The following DTNB variants were observed in gnomAD, a reference collection of about 807,000 sequenced individuals.
The protein encoded by DTNB is dystrobrevin beta, also known as DTN-B.
Under a neutral mutation model 90.7 loss-of-function variants are expected in DTNB, and 63 were observed. The observed-to-expected ratio is 0.69, with a 90% CI of 0.57 to 0.86. DTNB has a LOEUF of 0.86. DTNB is among the 40% of genes least tolerant of loss of function. The pLI, the probability that DTNB is intolerant of heterozygous loss-of-function variation, is 0.00. For synonymous variants in DTNB, 277 were observed against 286.7 expected, an observed-to-expected ratio of 0.97 and a Z score of 0.34; for missense variants, 744 against 807.1, an observed-to-expected ratio of 0.92 and a Z score of 0.95.
At chr2:25,394,044 A>G (rs2041812812) in intron 16 of DTNB, among the ~76,000 whole-genome samples, 1 of 152,262 alleles carries the variant, frequency 6.6e-6, no homozygotes. Context: ...GTATAAAAAT[A>G]GGCACATACA....
chr2:25,469,730 C>T (rs1298716027), intron 10 of DTNB, among the ~76,000 whole-genome samples: 1 of 152,182 alleles, frequency 6.6e-6, no homozygotes, highest in African/African-American at 2.4e-5. Context: ...GTGTGAGCCA[C>T]TGCGCCCAGT....
intron 8 of DTNB, among the ~76,000 whole-genome samples, chr2:25,554,025 A>G (rs1156851733): frequency 6.6e-6 from 1 of 152,182 alleles, no homozygotes; most frequent in Non-Finnish European, 1.5e-5. Flanking sequence ...GATAGCCAAT[A>G]TAAATTTATG....
intron 6 of DTNB, among the ~76,000 whole-genome samples, chr2:25,591,679 G>C (rs2063602752): frequency 1.3e-5 from 2 of 152,090 alleles, no homozygotes; most frequent in Non-Finnish European, 2.9e-5. Context: ...ACTATGTTCA[G>C]ACAATAATCA....
chr2:25,612,740 C>G lies in DTNB; in HGVS notation c.363-5419G>C, dbSNP rs373112107. 5.9e-5 allele frequency among the ~76,000 whole-genome samples: 9 copies of G among 151,472 alleles called. No individual in the cohort carries two copies. The East Asian group carries it at 1.2e-3, about 20-fold the overall frequency. On this transcript the variant is annotated intron_variant, in intron 4 of 20. Coordinates refer to ENST00000406818, the MANE Select transcript of DTNB (RefSeq NM_021907.5). ...CCAATATTAAGAGGGGATATCACCA[C>G]AGGTTCTACAGACATTGCAGAAATA... is the stretch of plus-strand genomic sequence containing the variant.
chr2:25,540,571 A>T (rs998898022), intron 8 of DTNB, among the ~76,000 whole-genome samples: 4 of 152,260 alleles, frequency 2.6e-5, no homozygotes, highest in Non-Finnish European at 5.9e-5. Context: ...CAGGGCCATG[A>T]TGACAATGGC....
At chr2:25,465,227 T>A (rs1486888216) in intron 10 of DTNB, among the ~76,000 whole-genome samples, 1 of 151,898 alleles carries the variant, frequency 6.6e-6, no homozygotes, top group Non-Finnish European at 1.5e-5. Flanking sequence ...ACACAAAAAA[T>A]TAGCCGGGCG....
chr2:25,388,327 G>A lies in DTNB; in HGVS notation c.1610C>T (p.Thr537Ile). Residue 537 changes from threonine to isoleucine, a missense_variant, in exon 17 of 21, where the codon ACC becomes ATC. Physicochemically the swap from Thr to Ile is moderately conservative, Grantham distance 89. Transcript: ENST00000406818. ...QATGSPHTSP[T>I]HGGGRPMPMP... Reference sequence around the variant, plus strand: ...GGGCATTGGCCGGCCGCCTCCATGGGTGGGCGATGTATGTGGTGACCCTGT... The same window carrying A: ...GGGCATTGGCCGGCCGCCTCCATGGATGGGCGATGTATGTGGTGACCCTGT... The A allele has an allele frequency of 1.9e-6, 3 of 1,612,996 alleles. No individual in the cohort carries two copies. Among genetic ancestry groups the A allele is most frequent in the South Asian group, 1.1e-5 (1 of 90,942 alleles).
intron 16 of DTNB, among the ~76,000 whole-genome samples, chr2:25,411,729 G>A (rs567015136): frequency 6.6e-6 from 1 of 152,294 alleles, no homozygotes; most frequent in South Asian, 2.1e-4. Context: ...AGGGTATCAT[G>A]TCAACCATGA....
chr2:25,386,081 G>A (rs1051809042), intron 18 of DTNB: 4 of 985,372 alleles, frequency 4.1e-6, no homozygotes, highest in East Asian at 1.1e-4. Flanking sequence ...ACAGAGCGGG[G>A]CCGTGCTTCT....
At chr2:25,541,746 CCTG>C (rs1444316328) in intron 8 of DTNB, among the ~76,000 whole-genome samples, 8 of 152,124 alleles carry the variant, frequency 5.3e-5, no homozygotes, top group African/African-American at 1.7e-4. Flanking sequence ...TCTTTGAGAC[CCTG>C]CTTTCAATTC....
chr2:25,465,892 ACAG>A (rs1224075204), intron 10 of DTNB, among the ~76,000 whole-genome samples: 1 of 152,230 alleles, frequency 6.6e-6, no homozygotes, highest in African/African-American at 2.4e-5. Flanking sequence ...CTTTGCTAGA[ACAG>A]CAGCTACATA....
intron 9 of DTNB, among the ~76,000 whole-genome samples, chr2:25,506,288 G>A (rs1429753974): frequency 6.6e-6 from 1 of 152,016 alleles, no homozygotes; most frequent in African/African-American, 2.4e-5. Flanking sequence ...ATAGAAAAGA[G>A]AACTTGAAAT....
At position 25,387,256 on chromosome 2, in the gene DTNB, G is replaced by A. The variant is rs2039741688; in HGVS notation, c.1825+33C>T. 3.8e-6 allele frequency: 6 copies of A among 1,596,312 alleles called. No individual in the cohort carries two copies. The Middle Eastern group carries it at 9.0e-4, about 241-fold the overall frequency. On this transcript the variant is annotated intron_variant, in intron 18 of 20. Transcript: ENST00000406818. The surrounding 1 kb of genome is among the most constrained non-coding windows in gnomAD (Gnocchi z 4.5). ...GAAGGGCGCGGGCAAGGCAGGGGAG[G>A]CCAGGAAGCTGGCTGGGAGCTCTGG...
intron 9 of DTNB, among the ~76,000 whole-genome samples, chr2:25,498,761 T>C (rs983092010): frequency 6.7e-6 from 1 of 148,400 alleles, no homozygotes; most frequent in African/African-American, 2.5e-5. Flanking sequence ...GGTGGGAGGA[T>C]TGCTTGAGCC....
intron 9 of DTNB, among the ~76,000 whole-genome samples, chr2:25,483,258 C>A (rs1558713086): frequency 6.6e-6 from 1 of 152,158 alleles, no homozygotes; most frequent in Non-Finnish European, 1.5e-5. Context: ...AATTCTGCCC[C>A]TTAGTGAATT....
chr2:25,531,742 T>C, intron 8 of DTNB, 145 bp from the exon 9 acceptor site: 1 of 1,142,752 alleles, frequency 8.8e-7, no homozygotes, highest in African/African-American at 1.6e-5. Flanking sequence ...CATTGGGCCT[T>C]TCAGAAAGGA....
chr2:25,429,376 T>C (rs1476835162), intron 14 of DTNB, among the ~76,000 whole-genome samples: 1 of 152,204 alleles, frequency 6.6e-6, no homozygotes, highest in East Asian at 1.9e-4. Flanking sequence ...ATTCCTGTCC[T>C]TAGTACCACA....
chr2:25,611,042 G>A (rs151281650), intron 4 of DTNB, among the ~76,000 whole-genome samples: 102 of 152,244 alleles, frequency 6.7e-4, no homozygotes, highest in Middle Eastern at 3.4e-3. Flanking sequence ...TAGTATCATA[G>A]GTCAGATTTG....
At chr2:25,589,932 C>T (rs73922439) in intron 6 of DTNB, among the ~76,000 whole-genome samples, 3 of 152,124 alleles carry the variant, frequency 2.0e-5, no homozygotes, top group Admixed American at 6.5e-5. Flanking sequence ...AGCAGTGAAG[C>T]GAGTGTGAAG....
Sources: gnomAD v4.1 joint callset for allele counts (sites outside exome capture counted in the v4.1 genomes callset) on GRCh38, gnomAD v4.1.1 for gene constraint, Gnocchi (gnomAD v3.1) non-coding constraint, MANE v1.5 for transcripts, NCBI Gene and HGNC (gene_info 2026-07-23, HGNC 2026-07-21) for gene names.